Variants in ADIPOR2 observed in about 807,000 individuals in gnomAD.
ADIPOR2 encodes the protein adiponectin receptor protein 2.
ADIPOR2 carries 18 observed loss-of-function variants against 40.9 expected under a neutral mutation model. That is an observed-to-expected ratio of 0.44 (90% CI 0.30 to 0.65). ADIPOR2 has a LOEUF of 0.65. Among genes scored for constraint, ADIPOR2 ranks in the 30% least tolerant of loss-of-function variants. The probability of loss-of-function intolerance (pLI) is 0.09; values close to 1 mark genes in which losing one functional copy is unlikely to be tolerated. For synonymous variants in ADIPOR2, 165 were observed against 166.4 expected (o/e 0.99, Z 0.06); for missense variants, 283 against 479.2 (o/e 0.59, Z 3.82).
At chr12:1,705,602 T>C (rs1469097153) in intron 1 of ADIPOR2, among the ~76,000 whole-genome samples, 2 of 152,216 alleles carry the variant, frequency 1.3e-5, no homozygotes, top group African/African-American at 2.4e-5. Flanking sequence ...TTATTATGTA[T>C]ATACAAATAT....
chr12:1,714,776 T>A (rs2094684371), intron 1 of ADIPOR2, among the ~76,000 whole-genome samples: 1 of 152,164 alleles, frequency 6.6e-6, no homozygotes, highest in Admixed American at 6.5e-5. Context: ...ACTCTTGGGC[T>A]GCAACTAAAG....
intron 7 of ADIPOR2, 38 bp downstream of exon 7, chr12:1,784,111 C>T: frequency 2.7e-6 from 4 of 1,481,500 alleles, no homozygotes; most frequent in Non-Finnish European, 3.6e-6. Flanking sequence ...TAGGTATCTG[C>T]TCATGAGTTA....
intron 2 of ADIPOR2, among the ~76,000 whole-genome samples, chr12:1,764,479 C>T (rs1022779438): frequency 6.6e-6 from 1 of 151,832 alleles, no homozygotes; most frequent in East Asian, 1.9e-4. Context: ...TCCCTGATCT[C>T]TTCTGTATCA....
chr12:1,756,674 G>C (rs1227571046), intron 2 of ADIPOR2, among the ~76,000 whole-genome samples: 1 of 152,066 alleles, frequency 6.6e-6, no homozygotes, highest in Non-Finnish European at 1.5e-5. Context: ...TTAAAAGTAT[G>C]ACTCTGGTTG....
intron 2 of ADIPOR2, among the ~76,000 whole-genome samples, chr12:1,758,864 CA>C (rs1862206999): frequency 6.6e-6 from 1 of 152,120 alleles, no homozygotes; most frequent in South Asian, 2.1e-4. Context: ...ATTTGCTTCT[CA>C]AAACTATACT....
At position 1,736,079 on chromosome 12, in the gene ADIPOR2, G is replaced by C. The variant is rs558082326; in HGVS notation, c.-86-18179G>C. 4.6e-4 allele frequency among the ~76,000 whole-genome samples: 70 copies of C among 152,274 alleles called. 1 individual carries two copies. The South Asian group carries it at 0.014, about 31-fold the overall frequency. On this transcript the variant is annotated intron_variant, in intron 1 of 7. Transcript: ENST00000357103. ...CTCTTTTTTGTTTTGTCTCTGCCAG[G>C]CTTTGGTATCAGGATGATGCTGGCC...
At chr12:1,728,966 T>TTG (rs1555167932) in intron 1 of ADIPOR2, among the ~76,000 whole-genome samples, 4 of 150,894 alleles carry the variant, frequency 2.7e-5, no homozygotes, top group Admixed American at 2.6e-4. Context: ...CTGTTTTTTT[T>TTG]TTTTTTTTTT....
intron 3 of ADIPOR2, among the ~76,000 whole-genome samples, chr12:1,776,654 C>G (rs1862602416): frequency 6.6e-6 from 1 of 152,150 alleles, no homozygotes; most frequent in Admixed American, 6.5e-5. Flanking sequence ...TTCCTGATCC[C>G]TTTTCCTCTA....
intron 1 of ADIPOR2, among the ~76,000 whole-genome samples, chr12:1,718,290 A>G (rs1047959999): frequency 1.3e-5 from 2 of 152,118 alleles, no homozygotes; most frequent in African/African-American, 4.8e-5. Context: ...CAAGTTCTTG[A>G]AAGACTGTTA....
rs552711963 is a variant in ADIPOR2, at chr12:1,743,229, C to CAAAAAAAAA, written c.-86-11020_-86-11012dup. On this transcript the variant is annotated intron_variant, in intron 1 of 7. Coordinates refer to ENST00000357103, the MANE Select transcript of ADIPOR2 (RefSeq NM_024551.3). ...CAGCATGGTGAAACCCCATCTCTAC[C>CAAAAAAAAA]AAAAAAAAAAAAAAAAACAAAGCAG... Among the ~76,000 whole-genome samples the CAAAAAAAAA allele has an allele frequency of 2.0e-3, 110 of 55,240 alleles. 1 individual carries two copies. The highest frequency in any genetic ancestry group is 4.3e-3 in the African/African-American group (65 of 15,110). 36.2% of individuals were successfully genotyped at this position (55,240 alleles called of 152,430 possible). A position where few individuals can be genotyped will look rare whatever the true frequency, so the allele number is the denominator to read the frequency against.
intron 2 of ADIPOR2, among the ~76,000 whole-genome samples, chr12:1,761,689 A>G (rs957322618): frequency 6.6e-6 from 1 of 152,194 alleles, no homozygotes; most frequent in Non-Finnish European, 1.5e-5. Context: ...CTAAATTCAA[A>G]CTTACTATAA....
At chr12:1,692,535 T>G (rs2094629247) in intron 1 of ADIPOR2, among the ~76,000 whole-genome samples, 1 of 152,238 alleles carries the variant, frequency 6.6e-6, no homozygotes, top group Admixed American at 6.5e-5. Context: ...TGTAACTGTC[T>G]GTCCTCCAGT....
intron 2 of ADIPOR2, among the ~76,000 whole-genome samples, chr12:1,759,997 G>T (rs1157198268): frequency 6.6e-6 from 1 of 151,962 alleles, no homozygotes; most frequent in Non-Finnish European, 1.5e-5. Flanking sequence ...CTGCACTCCA[G>T]CCTGGGTGAC....
At chr12:1,746,659 T>C (rs2094755695) in intron 1 of ADIPOR2, among the ~76,000 whole-genome samples, 1 of 152,148 alleles carries the variant, frequency 6.6e-6, no homozygotes, top group Admixed American at 6.5e-5. Flanking sequence ...CAGACAGATC[T>C]AAAATAATAA....
intron 1 of ADIPOR2, among the ~76,000 whole-genome samples, chr12:1,728,960 T>TG (rs1396676775): frequency 1.2e-4 from 4 of 34,126 alleles, no homozygotes; most frequent in Non-Finnish European, 2.1e-4. Flanking sequence ...TCTGGACTGT[T>TG]TTTTTTTTTT....
At chr12:1,748,495 A>G (rs544394554) in intron 1 of ADIPOR2, among the ~76,000 whole-genome samples, 166 of 151,966 alleles carry the variant, frequency 1.1e-3, no homozygotes, top group Non-Finnish European at 1.7e-3. Context: ...TGATCTGCCC[A>G]CCTCGGCCTC....
chr12:1,774,061 A>G (rs1406107456), intron 3 of ADIPOR2, among the ~76,000 whole-genome samples: 2 of 152,238 alleles, frequency 1.3e-5, no homozygotes, highest in Non-Finnish European at 2.9e-5. Flanking sequence ...CAATAGATTC[A>G]TTCTAGTGAT....
At chr12:1,691,339 C>G (rs1379619161) in intron 1 of ADIPOR2, 148 bp downstream of exon 1, 1 of 152,414 alleles carries the variant, frequency 6.6e-6, no homozygotes, top group Non-Finnish European at 1.5e-5. Flanking sequence ...TCGGCCCGGC[C>G]CGCAACTTGA....
At chr12:1,711,870 T>A (rs2094678020) in intron 1 of ADIPOR2, among the ~76,000 whole-genome samples, 1 of 152,184 alleles carries the variant, frequency 6.6e-6, no homozygotes, top group Non-Finnish European at 1.5e-5. Context: ...TTATGGTATT[T>A]AATGGGGTTC....
Sources: allele counts gnomAD v4.1 joint callset (sites outside exome capture counted in the v4.1 genomes callset), GRCh38; gene constraint gnomAD v4.1.1; transcripts MANE v1.5; gene names NCBI Gene and HGNC (gene_info 2026-07-23, HGNC 2026-07-21).